Variants in ADGRF1 observed in about 807,000 individuals in gnomAD.
ADGRF1 encodes the protein adhesion G protein-coupled receptor F1.
ADGRF1 carries 85 observed loss-of-function variants against 87.2 expected under a neutral mutation model. The observed-to-expected ratio is 0.97, with a 90% CI of 0.82 to 1.17. The LOEUF (loss-of-function observed/expected upper bound fraction) is 1.17, where lower values mean the gene tolerates loss of function less well. Ranked by LOEUF, ADGRF1 falls within the 50% of genes most tolerant of loss-of-function variation. The probability of loss-of-function intolerance (pLI) is 0.00; values close to 1 mark genes in which losing one functional copy is unlikely to be tolerated. For missense variants in ADGRF1, 1,169 were observed against 1,077.2 expected, an observed-to-expected ratio of 1.09 and a Z score of -1.19; for synonymous variants, 430 against 408.8, an observed-to-expected ratio of 1.05 and a Z score of -0.63.
intron 7 of ADGRF1, chr6:47,019,330 A>G (rs1431483971): frequency 2.0e-6 from 2 of 983,842 alleles, no homozygotes; most frequent in Non-Finnish European, 1.2e-6. Flanking sequence ...AAAACTATTC[A>G]TGTATGACTT....
intron 1 of ADGRF1, among the ~76,000 whole-genome samples, chr6:47,034,685 A>G (rs1380050024): frequency 1.3e-5 from 2 of 152,168 alleles, no homozygotes; most frequent in Non-Finnish European, 2.9e-5. Flanking sequence ...AAAAGCCACA[A>G]TCCAGACCCA....
chr6:47,009,006 G>A lies in ADGRF1; in HGVS notation c.2429C>T (p.Thr810Ile), dbSNP rs749669570. Reference protein sequence around the residue: ...LGLTWGFGIGTIVDSQNLAWH... With the variant: ...LGLTWGFGIGIIVDSQNLAWH... ...AGCCAGATTCTGGCTGTCCACTATTGTTCCTATTCCAAAGCCCCAGGTGAG... is the reference window on the plus strand; with the variant it reads ...AGCCAGATTCTGGCTGTCCACTATTATTCCTATTCCAAAGCCCCAGGTGAG... Residue 810 changes from threonine (T) to isoleucine (I), a missense_variant, in exon 11 of 15, where the codon ACA (threonine) becomes ATA (isoleucine). Transcript: ENST00000371253. The A allele has an allele frequency of 1.7e-5, 27 of 1,613,868 alleles. No individual in the cohort carries two copies. In the South Asian group the frequency reaches 2.6e-4, roughly 16 times the overall value.
chr6:47,013,237 G>C (rs1779762394), intron 9 of ADGRF1: 9 of 985,480 alleles, frequency 9.1e-6, no homozygotes, highest in Non-Finnish European at 1.1e-5. Context: ...AACTGACAAT[G>C]CTGTTTTCTG....
rs996177782 is a variant in ADGRF1 at position 47,009,033 on chromosome 6, C to T, written c.2402G>A (p.Gly801Glu). ...TCCTATTCCAAAGCCCCAGGTGAGC[C>T]CTAGCAGAGGGGTCAGAATGAGGAG... ...KSLLILTPLL[G>E]LTWGFGIGTI... The change falls in exon 11 of 15, where the codon GGG becomes GAG. Residue 801 changes from glycine (G) to glutamate (E), a missense_variant. Transcript: ENST00000371253. 8 of 1,614,044 alleles carry T rather than the reference C, an allele frequency of 5.0e-6. No homozygotes were observed. The highest frequency in any genetic ancestry group is 6.8e-6 in the Non-Finnish European group (8 of 1,180,004).
chr6:47,025,475 A>T (rs1329552551), intron 4 of ADGRF1, among the ~76,000 whole-genome samples: 1 of 152,146 alleles, frequency 6.6e-6, no homozygotes, highest in Admixed American at 6.6e-5. Flanking sequence ...GGTACACAGG[A>T]TTGCATATCC....
intron 4 of ADGRF1, among the ~76,000 whole-genome samples, chr6:47,024,717 G>A (rs1780172014): frequency 6.6e-6 from 1 of 152,146 alleles, no homozygotes; most frequent in South Asian, 2.1e-4. Context: ...TAAAATAATG[G>A]TTAATATTTC....
intron 1 of ADGRF1, among the ~76,000 whole-genome samples, chr6:47,039,550 G>T (rs1205816724): frequency 6.6e-6 from 1 of 152,214 alleles, no homozygotes; most frequent in African/African-American, 2.4e-5. Context: ...GTGTACTATG[G>T]GTTGAGTTTA....
At chr6:47,012,532 A>G in intron 9 of ADGRF1, 1 of 655,748 alleles carries the variant, frequency 1.5e-6, no homozygotes, top group Non-Finnish European at 1.9e-6. Flanking sequence ...GCAAAGATTT[A>G]CTAAAAATCA....
At chr6:47,040,173 A>G (rs949256951) in intron 1 of ADGRF1, among the ~76,000 whole-genome samples, 2 of 151,970 alleles carry the variant, frequency 1.3e-5, no homozygotes, top group Non-Finnish European at 2.9e-5. Flanking sequence ...CATTAAAAAG[A>G]GAACCAGGTG....
chr6:47,027,300 T>C (rs1350798591), intron 3 of ADGRF1, among the ~76,000 whole-genome samples: 1 of 152,222 alleles, frequency 6.6e-6, no homozygotes. Flanking sequence ...AAAGCTATTG[T>C]AGACTGACCC....
chr6:47,016,431 T>C (rs1779880920), intron 8 of ADGRF1, among the ~76,000 whole-genome samples, 186 bp downstream of exon 8: 1 of 152,174 alleles, frequency 6.6e-6, no homozygotes, highest in Non-Finnish European at 1.5e-5. Context: ...TAGCAAGAAT[T>C]TGAAATAGTC....
At chr6:47,018,346 A>G in intron 7 of ADGRF1, 1 of 1,226,752 alleles carries the variant, frequency 8.2e-7, no homozygotes, top group South Asian at 1.4e-5. Flanking sequence ...AGGCCCAATG[A>G]GAAGTTGGGT....
At chr6:47,029,566 A>G (rs1780347483) in intron 1 of ADGRF1, among the ~76,000 whole-genome samples, 1 of 152,206 alleles carries the variant, frequency 6.6e-6, no homozygotes, top group South Asian at 2.1e-4. Context: ...TTCCTTTTTC[A>G]TAGTAGATAT....
At chr6:47,008,054 TGTAA>T (rs1779582479) in intron 11 of ADGRF1, among the ~76,000 whole-genome samples, 1 of 152,204 alleles carries the variant, frequency 6.6e-6, no homozygotes, top group Admixed American at 6.5e-5. Context: ...TATTTGATGA[TGTAA>T]GTATTATTAT....
At chr6:47,014,592 T>C in intron 9 of ADGRF1, 89 bp downstream of exon 9, 2 of 1,543,392 alleles carry the variant, frequency 1.3e-6, no homozygotes, top group South Asian at 1.3e-5. Flanking sequence ...CACGTAGGTA[T>C]ACTTACCCTC....
intron 14 of ADGRF1, 145 bp from the exon 15 acceptor site, chr6:47,000,440 G>C: frequency 1.7e-6 from 1 of 572,204 alleles, no homozygotes; most frequent in Non-Finnish European, 3.1e-6. Context: ...ACTGTGGTTG[G>C]TGGAGAGAAA....
At chr6:47,037,124 C>T (rs1223796962) in intron 1 of ADGRF1, among the ~76,000 whole-genome samples, 2 of 152,172 alleles carry the variant, frequency 1.3e-5, no homozygotes, top group African/African-American at 4.8e-5. Flanking sequence ...TGCAGAAATG[C>T]CTGTTTCATC....
At chr6:47,014,541 G>T (rs1216071681) in intron 9 of ADGRF1, 140 bp downstream of exon 9, 8 of 1,452,722 alleles carry the variant, frequency 5.5e-6, no homozygotes, top group South Asian at 1.5e-5. Flanking sequence ...GTTCACCAGG[G>T]TCTGATGTCA....
chr6:47,024,130 C>T lies in ADGRF1; in HGVS notation c.365G>A (p.Cys122Tyr). 6.2e-7 allele frequency: 1 copy of T among 1,614,032 alleles called. No homozygotes were observed. Among genetic ancestry groups the T allele is most frequent in the Non-Finnish European group, 8.5e-7 (1 of 1,179,930 alleles). The change falls in exon 5 of 15, where the codon TGC becomes TAC. Residue 122 changes from cysteine to tyrosine, a missense_variant. By Grantham distance (194) the Cys-to-Tyr change is radical. Coordinates refer to ENST00000371253, the MANE Select transcript of ADGRF1 (RefSeq NM_153840.4). ...FPPSCLDPQN[C>Y]YLHTAGALPS... ...GAGTGCTCCAGCCGTGTGAAGGTAG[C>T]AGTTCTGGGGATCAAGGCATGAGGG...
Sources: gnomAD v4.1 joint callset for allele counts (sites outside exome capture counted in the v4.1 genomes callset) on GRCh38, gnomAD v4.1.1 for gene constraint, MANE v1.5 for transcripts, NCBI Gene and HGNC (gene_info 2026-07-23, HGNC 2026-07-21) for gene names.